ZDHHC5: variants seen among roughly 807,000 people sequenced by gnomAD.
ZDHHC5 encodes the protein zDHHC palmitoyltransferase 5, also known as palmitoyltransferase ZDHHC5.
A neutral mutation model predicts 70.0 loss-of-function variants in ZDHHC5; 22 were observed. The observed-to-expected ratio is 0.31, with a 90% CI of 0.22 to 0.45. The LOEUF (loss-of-function observed/expected upper bound fraction) is 0.45, where lower values mean the gene tolerates loss of function less well. ZDHHC5 is among the 20% of genes least tolerant of loss of function. ZDHHC5 has a pLI of 1.00. For synonymous variants in ZDHHC5, 313 were observed against 347.8 expected (o/e 0.90, Z 1.11); for missense variants, 746 against 926.9 (o/e 0.80, Z 2.53).
Position 57,687,756 on chromosome 11 carries a change from GTTTTTTT to G in ZDHHC5, c.227-732_227-726del, listed in dbSNP as rs746146074. ...GAGTAGGGGAAGACATTTTGGGAAAGTTTTTTTTTTTTTTTTTTTTTTTTTTAAGATG... is the reference window on the plus strand; with the variant it reads ...GAGTAGGGGAAGACATTTTGGGAAAGTTTTTTTTTTTTTTTTTTTAAGATG... On this transcript the variant is annotated intron_variant, in intron 3 of 11. Transcript: ENST00000287169. Among the ~76,000 whole-genome samples the G allele has an allele frequency of 2.4e-4, 18 of 75,290 alleles. No individual in the cohort carries two copies. In the East Asian group the frequency reaches 0.01, roughly 42 times the overall value. The allele number at this position is 75,290 out of a possible 152,430, so 49.4% of individuals were successfully genotyped here.
At chr11:57,675,229 G>T (rs569689869) in intron 2 of ZDHHC5, among the ~76,000 whole-genome samples, 10 of 152,176 alleles carry the variant, frequency 6.6e-5, no homozygotes, top group Admixed American at 1.3e-4. Flanking sequence ...TCCTTTAAGA[G>T]GCAAAGCCTT....
chr11:57,699,003 C>A lies in ZDHHC5; in HGVS notation c.1567C>A (p.Pro523Thr), dbSNP rs910128674. The change falls in exon 11 of 12, where the codon CCA becomes ACA. Residue 523 changes from proline (P) to threonine (T), a missense_variant. By Grantham distance (38) the Pro-to-Thr change is conservative. Around this residue, in one of 6 missense-constraint regions of ZDHHC5, gnomAD observed 340 missense variants for 350.1 expected, o/e 0.97. Coordinates refer to ENST00000287169, the MANE Select transcript of ZDHHC5 (RefSeq NM_015457.3). ...ERHPRLVPTG[P>T]THREPSPVRY... ...GCACCCACGTTTGGTGCCAACTGGC[C>A]CAACACACCGAGAGCCCTCACCAGT... 1.2e-6 allele frequency: 2 copies of A among 1,609,216 alleles called. No homozygotes were observed. The highest frequency in any genetic ancestry group is 1.7e-6 in the Non-Finnish European group (2 of 1,179,974).
chr11:57,695,821 A>G, intron 8 of ZDHHC5, 99 bp from the exon 9 acceptor site: 1 of 1,458,136 alleles, frequency 6.9e-7, no homozygotes, highest in Non-Finnish European at 9.1e-7. Flanking sequence ...ATACATGAGA[A>G]TTGACTCCCA....
chr11:57,677,167 C>T (rs946313268), intron 2 of ZDHHC5, among the ~76,000 whole-genome samples: 6 of 149,400 alleles, frequency 4.0e-5, no homozygotes, highest in Admixed American at 1.3e-4. Flanking sequence ...GTGATCTGCC[C>T]GCCTCAGCCT....
intron 1 of ZDHHC5, among the ~76,000 whole-genome samples, chr11:57,670,844 CAG>C (rs922330728): frequency 2.6e-4 from 36 of 137,822 alleles, no homozygotes; most frequent in Non-Finnish European, 6.1e-5. Context: ...TTTTTTGAGA[CAG>C]AGTCTTGCTC....
In ZDHHC5 at chr11:57,676,909, A is replaced by ATTTTTTTTTTT. The variant is rs72474322; in HGVS notation, c.104+3735_104+3745dup. 1.6e-4 allele frequency among the ~76,000 whole-genome samples: 13 copies of ATTTTTTTTTTT among 80,984 alleles called. 1 individual carries two copies. Among genetic ancestry groups the ATTTTTTTTTTT allele is most frequent in the African/African-American group, 6.3e-4 (12 of 19,108 alleles). The allele number at this position is 80,984 out of a possible 152,430, so 53.1% of individuals were successfully genotyped here. A position where few individuals can be genotyped will look rare whatever the true frequency, so the allele number is the denominator to read the frequency against. ...CAGGATAAGATCTCTGCTTCACGTGATTTTTTTTTTTTTTTTTTTTTTTTT... is the reference window on the plus strand; with the variant it reads ...CAGGATAAGATCTCTGCTTCACGTGATTTTTTTTTTTTTTTTTTTTTTTTTTTTTTTTTTTT... On this transcript the variant is annotated intron_variant, in intron 2 of 11. Coordinates refer to ENST00000287169, the MANE Select transcript of ZDHHC5 (RefSeq NM_015457.3).
intron 4 of ZDHHC5, among the ~76,000 whole-genome samples, chr11:57,689,367 TTA>T (rs1350296217): frequency 1.3e-5 from 2 of 150,966 alleles, no homozygotes; most frequent in African/African-American, 4.8e-5. Flanking sequence ...TTGGTCTTTT[TTA>T]TATATATATA....
At chr11:57,686,217 A>G (rs780703492) in intron 3 of ZDHHC5, among the ~76,000 whole-genome samples, 3 of 152,120 alleles carry the variant, frequency 2.0e-5, no homozygotes, top group Non-Finnish European at 4.4e-5. Context: ...TCAGGGCTGC[A>G]GTGAGCTGTG....
chr11:57,668,551 G>A (rs991013975), intron 1 of ZDHHC5: 1 of 152,328 alleles, frequency 6.6e-6, no homozygotes, highest in Admixed American at 6.5e-5. Flanking sequence ...GGCCGCCGTG[G>A]ATTCCTTCTT....
At chr11:57,677,374 C>T (rs899084786) in intron 2 of ZDHHC5, among the ~76,000 whole-genome samples, 8 of 146,868 alleles carry the variant, frequency 5.4e-5, no homozygotes, top group African/African-American at 2.0e-4. Flanking sequence ...GCAACCTCTG[C>T]CTCCTGGGTT....
At chr11:57,697,469 A>T (rs927184602) in intron 10 of ZDHHC5, among the ~76,000 whole-genome samples, 21 of 151,386 alleles carry the variant, frequency 1.4e-4, no homozygotes, top group Admixed American at 7.2e-4. Context: ...TCTCAAAAAA[A>T]AAATAAATAA....
chr11:57,691,801 A>C (rs1354770411), intron 6 of ZDHHC5, among the ~76,000 whole-genome samples: 1 of 151,980 alleles, frequency 6.6e-6, no homozygotes, highest in East Asian at 1.9e-4. Context: ...TCTTCCTAAA[A>C]AAAAAAAAGA....
intron 3 of ZDHHC5, among the ~76,000 whole-genome samples, chr11:57,687,341 C>T (rs955020496): frequency 1.3e-5 from 2 of 151,548 alleles, no homozygotes; most frequent in African/African-American, 2.4e-5. Context: ...GAAGCTGAGG[C>T]AGGTGGATTG....
intron 2 of ZDHHC5, among the ~76,000 whole-genome samples, chr11:57,674,213 T>A (rs536797519): frequency 3.3e-5 from 5 of 152,310 alleles, no homozygotes; most frequent in African/African-American, 1.2e-4. Context: ...AATTTCCCAT[T>A]TAGGATCTAG....
chr11:57,682,320 T>A, intron 2 of ZDHHC5, 102 bp from the exon 3 acceptor site: 1 of 1,430,444 alleles, frequency 7.0e-7, no homozygotes, highest in Non-Finnish European at 9.3e-7. Context: ...CCACACAAGA[T>A]TTATCTATAG....
chr11:57,671,310 A>G (rs1946003527), intron 1 of ZDHHC5, among the ~76,000 whole-genome samples: 1 of 152,232 alleles, frequency 6.6e-6, no homozygotes, highest in South Asian at 2.1e-4. Flanking sequence ...CATCAACAGA[A>G]ATAATTGTTA....
intron 4 of ZDHHC5, among the ~76,000 whole-genome samples, chr11:57,689,688 T>A (rs1946256144): frequency 6.6e-6 from 1 of 151,542 alleles, no homozygotes; most frequent in Non-Finnish European, 1.5e-5. Flanking sequence ...TTTTTTTTTT[T>A]TTTTTTTTTT....
chr11:57,692,530 A>G, intron 6 of ZDHHC5, 81 bp from the exon 7 acceptor site: 2 of 1,236,470 alleles, frequency 1.6e-6, no homozygotes, highest in South Asian at 1.3e-5. Context: ...TGAGTGCACA[A>G]TAACTTGTAA....
chr11:57,694,044 A>G, intron 8 of ZDHHC5, 129 bp downstream of exon 8: 2 of 1,270,244 alleles, frequency 1.6e-6, no homozygotes, highest in South Asian at 3.2e-5. Flanking sequence ...TCTGTTGCCC[A>G]GGCTGGAGTG....
Sources: gnomAD v4.1 joint callset for allele counts (sites outside exome capture counted in the v4.1 genomes callset) on GRCh38, gnomAD v4.1.1 for gene constraint, gnomAD v4.1.1 regional missense constraint, MANE v1.5 for transcripts, NCBI Gene and HGNC (gene_info 2026-07-23, HGNC 2026-07-21) for gene names.